GRIP1: variants seen among roughly 807,000 people sequenced by gnomAD.
GRIP1 encodes glutamate receptor interacting protein 1.
A neutral mutation model predicts 129.9 loss-of-function variants in GRIP1; 45 were observed. The ratio of observed to expected loss-of-function variants is 0.35; its 90% confidence interval spans 0.27 to 0.44. GRIP1 has a LOEUF of 0.44. Among genes scored for constraint, GRIP1 ranks in the 20% least tolerant of loss-of-function variants. GRIP1 has a pLI of 1.00. For missense variants in GRIP1, 1,196 were observed against 1,396.8 expected, an observed-to-expected ratio of 0.86 and a Z score of 2.29; for synonymous variants, 530 against 520.8, an observed-to-expected ratio of 1.02 and a Z score of -0.24.
intron 2 of GRIP1, among the ~76,000 whole-genome samples, chr12:66,584,712 G>C (rs2063546398): frequency 6.8e-6 from 1 of 147,892 alleles, no homozygotes; most frequent in Non-Finnish European, 1.5e-5. Flanking sequence ...TGAGGAGGCA[G>C]GGTTTGTAAG....
intron 1 of GRIP1, among the ~76,000 whole-genome samples, chr12:66,936,866 TG>T (rs2041494271): frequency 6.6e-6 from 1 of 152,192 alleles, no homozygotes; most frequent in Non-Finnish European, 1.5e-5. Context: ...GCAGGATACC[TG>T]GGTCCAGGGT....
intron 1 of GRIP1, among the ~76,000 whole-genome samples, chr12:66,929,734 T>C (rs574550880): frequency 6.6e-6 from 1 of 152,304 alleles, no homozygotes; most frequent in African/African-American, 2.4e-5. Context: ...GACTACCTTA[T>C]GAGGATACTG....
intron 2 of GRIP1, among the ~76,000 whole-genome samples, chr12:66,579,748 G>A (rs36138602): frequency 0.23 from 34,044 of 151,076 alleles, 4,114 homozygotes; most frequent in Admixed American, 0.27. Flanking sequence ...CAAGAAATAT[G>A]GGACTATGTG....
At chr12:66,491,932 G>C (rs76364222) in intron 7 of GRIP1, among the ~76,000 whole-genome samples, 1,546 of 152,152 alleles carry the variant, frequency 0.01, 9 homozygotes, top group Non-Finnish European at 0.015. Context: ...AAAAATAGTC[G>C]GGGCTGGATA....
chr12:66,859,824 C>T lies in GRIP1; in HGVS notation c.58+209226G>A, dbSNP rs567656172. 1.3e-4 allele frequency among the ~76,000 whole-genome samples: 20 copies of T among 152,148 alleles called. No homozygotes were observed. In the Middle Eastern group the frequency reaches 0.01, roughly 78 times the overall value. ...ACTAACTAGCAGGCAGCACCAGTTGCACTTGGGGGAAAATACTTGGCTTCT... is the reference window on the plus strand; with the variant it reads ...ACTAACTAGCAGGCAGCACCAGTTGTACTTGGGGGAAAATACTTGGCTTCT... On this transcript the variant is annotated intron_variant, in intron 1 of 1. Transcript: ENST00000643019.
intron 1 of GRIP1, among the ~76,000 whole-genome samples, chr12:67,039,462 AT>A (rs377093841): frequency 1.3e-5 from 2 of 152,198 alleles, no homozygotes; most frequent in Non-Finnish European, 2.9e-5. Context: ...GTCAGTAGGA[AT>A]TTTGGTTCTA....
At chr12:66,476,084 G>A (rs916673780) in intron 7 of GRIP1, among the ~76,000 whole-genome samples, 2 of 152,086 alleles carry the variant, frequency 1.3e-5, no homozygotes, top group African/African-American at 4.8e-5. Context: ...CCAGGATCTG[G>A]TTTTTTGAAA....
chr12:67,063,903 G>A (rs1303409329), intron 1 of GRIP1, among the ~76,000 whole-genome samples: 5 of 151,970 alleles, frequency 3.3e-5, no homozygotes, highest in African/African-American at 7.3e-5. Context: ...ATAAAATGTC[G>A]GCAAAGGACA....
intron 1 of GRIP1, among the ~76,000 whole-genome samples, chr12:67,012,357 T>A (rs898551742): frequency 6.6e-6 from 1 of 152,168 alleles, no homozygotes. Flanking sequence ...ACAGACTGCC[T>A]TCTGAGACAG....
chr12:66,583,018 T>C (rs1224739360), intron 2 of GRIP1, among the ~76,000 whole-genome samples: 1 of 151,438 alleles, frequency 6.6e-6, no homozygotes, highest in African/African-American at 2.4e-5. Context: ...ACTACAAGGC[T>C]ACAGTAACCA....
chr12:66,757,829 C>T (rs760540149), intron 1 of GRIP1, among the ~76,000 whole-genome samples: 1 of 152,134 alleles, frequency 6.6e-6, no homozygotes, highest in Non-Finnish European at 1.5e-5. Context: ...TTTTGATTTG[C>T]ATCTCTCTGA....
intron 15 of GRIP1, among the ~76,000 whole-genome samples, chr12:66,418,210 T>C (rs2057678661): frequency 6.6e-6 from 1 of 152,094 alleles, no homozygotes; most frequent in Admixed American, 6.6e-5. Context: ...CTTCAACAAA[T>C]GGTGCTGGGA....
chr12:66,430,293 G>A (rs550387279), intron 14 of GRIP1, among the ~76,000 whole-genome samples: 1 of 152,292 alleles, frequency 6.6e-6, no homozygotes, highest in African/African-American at 2.4e-5. Context: ...AGTCAGCGTG[G>A]TGGTGACGAC....
chr12:66,849,634 A>C (rs2039876952), intron 1 of GRIP1, among the ~76,000 whole-genome samples: 1 of 152,048 alleles, frequency 6.6e-6, no homozygotes, highest in Non-Finnish European at 1.5e-5. Context: ...AAAATGAAAA[A>C]ATCCTTTTAT....
chr12:66,915,783 T>C (rs933579635), intron 1 of GRIP1, among the ~76,000 whole-genome samples: 5 of 152,152 alleles, frequency 3.3e-5, no homozygotes, highest in Admixed American at 6.5e-5. Context: ...TAAACAAATA[T>C]AATGAGTGAC....
intron 11 of GRIP1, among the ~76,000 whole-genome samples, chr12:66,455,080 A>G (rs1332919996): frequency 3.3e-5 from 5 of 152,226 alleles, no homozygotes; most frequent in African/African-American, 4.8e-5. Context: ...CACCCAGAAT[A>G]TAATAAAAGG....
intron 1 of GRIP1, among the ~76,000 whole-genome samples, chr12:66,597,969 C>T (rs2064120166): frequency 6.6e-6 from 1 of 152,140 alleles, no homozygotes. Context: ...AAATAATTAT[C>T]TAGCATATTC....
intron 1 of GRIP1, among the ~76,000 whole-genome samples, chr12:66,717,608 C>G (rs1212415814): frequency 6.6e-6 from 1 of 152,018 alleles, no homozygotes; most frequent in African/African-American, 2.4e-5. Context: ...CTATTAGTGC[C>G]GTTGAAAAGA....
intron 20 of GRIP1, among the ~76,000 whole-genome samples, chr12:66,378,708 G>T (rs572120001): frequency 1.3e-5 from 2 of 152,190 alleles, no homozygotes; most frequent in South Asian, 4.1e-4. Flanking sequence ...TGGCACCACT[G>T]CACTCCAGCC....
Sources: gnomAD v4.1 joint callset for allele counts (sites outside exome capture counted in the v4.1 genomes callset) on GRCh38, gnomAD v4.1.1 for gene constraint, MANE v1.5 for transcripts, NCBI Gene and HGNC (gene_info 2026-07-23, HGNC 2026-07-21) for gene names.